Variants in MTCL1 observed in about 807,000 individuals in gnomAD.
MTCL1 encodes microtubule crosslinking factor 1, also known as microtubule cross-linking factor 1.
A neutral mutation model predicts 141.4 loss-of-function variants in MTCL1; 79 were observed. The observed-to-expected ratio is 0.56, with a 90% confidence interval of 0.47 to 0.67. The LOEUF is 0.67. Among genes scored for constraint, MTCL1 ranks in the 30% least tolerant of loss-of-function variants. The pLI, the probability that MTCL1 is intolerant of heterozygous loss-of-function variation, is 0.00. For missense variants in MTCL1, 2,177 were observed against 2,113.9 expected, an observed-to-expected ratio of 1.03 and a Z score of -0.59; for synonymous variants, 914 against 875.8, an observed-to-expected ratio of 1.04 and a Z score of -0.77.
At chr18:8,805,567 A>C (rs16954231) in intron 10 of MTCL1, among the ~76,000 whole-genome samples, 1 of 152,184 alleles carries the variant, frequency 6.6e-6, no homozygotes, top group Non-Finnish European at 1.5e-5. Flanking sequence ...ATTTAGAAGC[A>C]TGACTGTGGA....
chr18:8,785,899 G>A (rs775291), intron 6 of MTCL1, 37 bp from the exon 6 acceptor site: 198,033 of 1,532,534 alleles, frequency 0.13, 15,122 homozygotes, highest in African/African-American at 0.34. Flanking sequence ...AAATTTTAAA[G>A]AACAACAACA....
chr18:8,792,352 C>T (rs2075760298), intron 7 of MTCL1, among the ~76,000 whole-genome samples: 1 of 152,204 alleles, frequency 6.6e-6, no homozygotes, highest in Non-Finnish European at 1.5e-5. Flanking sequence ...GATTCCACCA[C>T]CTGTCTTTAA....
At chr18:8,772,991 A>G (rs1174758933) in intron 4 of MTCL1, among the ~76,000 whole-genome samples, 1 of 152,212 alleles carries the variant, frequency 6.6e-6, no homozygotes, top group Non-Finnish European at 1.5e-5. Flanking sequence ...AACTGTAGCA[A>G]TCATTTCACT....
chr18:8,824,765 G>A (rs750833884), exon 15 of MTCL1: 1 of 1,614,144 alleles, frequency 6.2e-7, no homozygotes, highest in East Asian at 2.2e-5. Flanking sequence ...TCCTGCCTGA[G>A]AAGGGCCTGC....
At chr18:8,772,933 TAAGA>T (rs759586063) in intron 4 of MTCL1, among the ~76,000 whole-genome samples, 7 of 152,030 alleles carry the variant, frequency 4.6e-5, no homozygotes, top group Admixed American at 6.6e-5. Context: ...ATAAAAATAA[TAAGA>T]AAGAAAGGTA....
Position 8,706,246 on chromosome 18 carries a change from TC to T in MTCL1, c.590del (p.Pro197ArgfsTer158). On this transcript the variant is annotated frameshift_variant, in exon 1 of 14. Coordinates refer to the MTCL1 transcript ENST00000306329. LOFTEE classifies it high-confidence loss of function. The stretch of plus-strand genomic sequence containing the variant: ...CCTCGCGGTGACCTCGGTGGCCGGG[TC>T]CCCGGCCCGCTGCTCGCGCATCAGC... 1.6e-6 allele frequency: 2 copies of T among 1,227,370 alleles called. No individual in the cohort carries two copies. Among genetic ancestry groups the T allele is most frequent in the Non-Finnish European group, 2.0e-6 (2 of 984,694 alleles). 76.0% of individuals were successfully genotyped at this position (1,227,370 alleles called of 1,614,324 possible). A position where few individuals can be genotyped will look rare whatever the true frequency, so the allele number is the denominator to read the frequency against.
At chr18:8,706,839 AC>A in intron 1 of MTCL1, 126 bp downstream of exon 1, 1 of 1,403,104 alleles carries the variant, frequency 7.1e-7, no homozygotes, top group Non-Finnish European at 9.3e-7. Context: ...CCACGGTCCT[AC>A]CCCCGCATTG....
rs189243435 is a variant in MTCL1 at position 8,796,709 on chromosome 18, C to T, written c.2241+247C>T. 6.6e-5 allele frequency among the ~76,000 whole-genome samples: 10 copies of T among 152,194 alleles called. No individual in the cohort carries two copies. The South Asian group carries it at 8.3e-4, about 13-fold the overall frequency. ...ACACAAGCAGATATAACAGAAGTAA[C>T]GTTACAGTAGCAAGAGCAGGTATGC... On this transcript the variant is annotated intron_variant, in intron 9 of 16. Transcript: ENST00000359865.
chr18:8,807,153 C>T (rs2076328606), intron 11 of MTCL1, 93 bp downstream of exon 10: 2 of 1,296,910 alleles, frequency 1.5e-6, no homozygotes, highest in Non-Finnish European at 2.1e-6. Context: ...GATTCAGAAC[C>T]ATGGGCTTCT....
intron 6 of MTCL1, among the ~76,000 whole-genome samples, chr18:8,785,148 C>G (rs1203927264): frequency 6.6e-6 from 1 of 152,022 alleles, no homozygotes; most frequent in African/African-American, 2.4e-5. Context: ...CCAGTGGAAG[C>G]GATAGGGCTC....
At chr18:8,735,512 G>A (rs182269180) in intron 4 of MTCL1, among the ~76,000 whole-genome samples, 6 of 152,230 alleles carry the variant, frequency 3.9e-5, no homozygotes, top group South Asian at 4.1e-4. Context: ...TTCAAAGGCC[G>A]GGTTTCATTT....
At chr18:8,730,191 A>G (rs1432328902) in intron 4 of MTCL1, among the ~76,000 whole-genome samples, 1 of 151,926 alleles carries the variant, frequency 6.6e-6, no homozygotes, top group South Asian at 2.1e-4. Flanking sequence ...TCACTTAGCT[A>G]TATATGTCCT....
chr18:8,731,802 A>G (rs1160120777), intron 4 of MTCL1, among the ~76,000 whole-genome samples: 4 of 151,958 alleles, frequency 2.6e-5, no homozygotes, highest in African/African-American at 9.7e-5. Flanking sequence ...TCTGCCTCCC[A>G]GGTTCAAGTG....
chr18:8,756,519 GTA>G (rs1223960383), intron 4 of MTCL1, among the ~76,000 whole-genome samples: 1 of 143,848 alleles, frequency 7.0e-6, no homozygotes, highest in African/African-American at 2.9e-5. Flanking sequence ...ATATATGTGT[GTA>G]TATATGTGTG....
At chr18:8,741,916 G>T (rs977083570) in intron 4 of MTCL1, among the ~76,000 whole-genome samples, 1 of 152,122 alleles carries the variant, frequency 6.6e-6, no homozygotes, top group Non-Finnish European at 1.5e-5. Flanking sequence ...CTTGTTTTTC[G>T]CAAGGAAGAG....
intron 10 of MTCL1, among the ~76,000 whole-genome samples, chr18:8,803,360 A>G (rs1258683993): frequency 6.6e-6 from 1 of 152,120 alleles, no homozygotes; most frequent in Non-Finnish European, 1.5e-5. Flanking sequence ...GGAACATAGT[A>G]TATGCACTCA....
intron 7 of MTCL1, among the ~76,000 whole-genome samples, chr18:8,788,492 T>C (rs1165753339): frequency 6.6e-6 from 1 of 152,190 alleles, no homozygotes; most frequent in Non-Finnish European, 1.5e-5. Flanking sequence ...TATGGATTTT[T>C]ATATTTGAGG....
At chr18:8,806,925 C>T (rs1249452703) in exon 11 of MTCL1, 23 of 1,613,716 alleles carry the variant, frequency 1.4e-5, no homozygotes, top group Non-Finnish European at 1.9e-5. Flanking sequence ...TCAGCGCCTT[C>T]AAGGCCTTGC....
Position 8,822,164 on chromosome 18 carries a change from C to T in MTCL1, c.3188+666C>T, listed in dbSNP as rs141310587. Among the ~76,000 whole-genome samples the T allele has an allele frequency of 1.2e-3, 177 of 152,322 alleles. 2 individuals are homozygous for T. In the East Asian group the frequency reaches 0.03, roughly 25 times the overall value. ...CCATTTGCTCCCTGCCAGATCTCTG[C>T]AGCACCTAGCCATGCCTGTGGCACA... On this transcript the variant is annotated intron_variant, in intron 14 of 16. Coordinates refer to ENST00000359865, the Ensembl canonical transcript of MTCL1. The surrounding 1 kb of genome is among the most constrained non-coding windows in gnomAD (Gnocchi z 4.6).
Sources: allele counts gnomAD v4.1 joint callset (sites outside exome capture counted in the v4.1 genomes callset), GRCh38; gene constraint gnomAD v4.1.1; non-coding constraint Gnocchi (gnomAD v3.1); transcripts MANE v1.5; gene names NCBI Gene and HGNC (gene_info 2026-07-23, HGNC 2026-07-21).